The following STX18 variants were observed in gnomAD, a reference collection of about 807,000 sequenced individuals.
STX18 encodes syntaxin 18, also known as syntaxin-18.
Under a neutral mutation model 50.1 loss-of-function variants are expected in STX18, and 40 were observed. The ratio of observed to expected loss-of-function variants is 0.80; its 90% confidence interval spans 0.62 to 1.04. The LOEUF (loss-of-function observed/expected upper bound fraction) is 1.04. Ranked by LOEUF, STX18 falls within the 50% of genes least tolerant of loss-of-function variation. The pLI is 0.00. For missense variants in STX18, 410 were observed against 415.8 expected, an observed-to-expected ratio of 0.99 and a Z score of 0.12; for synonymous variants, 158 against 151.8, an observed-to-expected ratio of 1.04 and a Z score of -0.30.
In STX18 at chr4:4,525,169, T is replaced by C. The variant is rs1229436750; in HGVS notation, c.168+16628A>G. 2.6e-5 allele frequency among the ~76,000 whole-genome samples: 4 copies of C among 152,128 alleles called. No homozygotes were observed. The East Asian group carries it at 5.8e-4, about 22-fold the overall frequency. ...CAATGTTTCTTTTTGAAAAGGCCTT[T>C]ATGAGAAAAAAGAAAAGACTTTGGG... On this transcript the variant is annotated intron_variant, in intron 1 of 10. Coordinates refer to ENST00000306200, the MANE Select transcript of STX18 (RefSeq NM_016930.4).
chr4:4,541,978 C>G lies in STX18; in HGVS notation c.-14G>C, dbSNP rs546552868. Reference sequence around the variant, plus strand: ...GTCCACCGCCATAGCGACCCGCACCCTCAGCCCCACACTAGGCCCGCCCAC... The same window carrying G: ...GTCCACCGCCATAGCGACCCGCACCGTCAGCCCCACACTAGGCCCGCCCAC... On this transcript the variant is annotated 5_prime_UTR_variant, in exon 1 of 11. Coordinates refer to ENST00000306200, the MANE Select transcript of STX18 (RefSeq NM_016930.4). The G allele has an allele frequency of 2.5e-6, 4 of 1,593,166 alleles. No individual in the cohort carries two copies. Among genetic ancestry groups the G allele is most frequent in the Non-Finnish European group, 3.4e-6 (4 of 1,171,238 alleles).
chr4:4,540,390 A>G (rs1731530609), intron 1 of STX18, among the ~76,000 whole-genome samples: 2 of 152,218 alleles, frequency 1.3e-5, no homozygotes, highest in South Asian at 4.1e-4. Flanking sequence ...CCCACATTCC[A>G]GTCTCACTCA....
chr4:4,428,372 G>C (rs73086204), intron 7 of STX18, among the ~76,000 whole-genome samples: 8,772 of 152,274 alleles, frequency 0.058, 820 homozygotes, highest in African/African-American at 0.2. Context: ...CTTCTAAGCA[G>C]TAAGCTGTTT....
At chr4:4,433,534 TAAAAAAAAAAA>T (rs10676475) in intron 7 of STX18, among the ~76,000 whole-genome samples, 1 of 111,074 alleles carries the variant, frequency 9.0e-6, no homozygotes, top group African/African-American at 3.2e-5. Context: ...AAAAATAAAT[TAAAAAAAAAAA>T]AAAAAAAAGA....
chr4:4,460,704 T>C (rs1353853834), intron 2 of STX18, among the ~76,000 whole-genome samples: 1 of 152,198 alleles, frequency 6.6e-6, no homozygotes, highest in Admixed American at 6.5e-5. Flanking sequence ...AAGAGTGACA[T>C]GGAATTAGTT....
chr4:4,447,645 ACTAT>A (rs774364136), intron 5 of STX18, among the ~76,000 whole-genome samples: 30 of 136,518 alleles, frequency 2.2e-4, no homozygotes, highest in Admixed American at 1.4e-3. Flanking sequence ...TGGGGCTCTG[ACTAT>A]CTTTCTTGTT....
chr4:4,461,007 G>C (rs1727347926), intron 2 of STX18, among the ~76,000 whole-genome samples: 1 of 152,168 alleles, frequency 6.6e-6, no homozygotes, highest in African/African-American at 2.4e-5. Flanking sequence ...AAATGAGTCA[G>C]AAAGGTACCA....
intron 2 of STX18, among the ~76,000 whole-genome samples, chr4:4,465,071 C>T (rs1727558167): frequency 6.6e-6 from 1 of 152,020 alleles, no homozygotes; most frequent in Admixed American, 6.6e-5. Context: ...GCATTTAGTG[C>T]TATAAATTTC....
At chr4:4,443,566 C>T (rs1371376209) in intron 5 of STX18, among the ~76,000 whole-genome samples, 1 of 152,138 alleles carries the variant, frequency 6.6e-6, no homozygotes, top group African/African-American at 2.4e-5. Flanking sequence ...CCAGTATTAC[C>T]CAGATTCAGA....
At chr4:4,517,562 C>T (rs1182549651) in intron 1 of STX18, among the ~76,000 whole-genome samples, 3 of 152,124 alleles carry the variant, frequency 2.0e-5, no homozygotes, top group African/African-American at 7.2e-5. Context: ...GAAAATCTAG[C>T]AATTTTACTA....
chr4:4,510,089 G>C (rs79908143), intron 1 of STX18, among the ~76,000 whole-genome samples: 8,611 of 152,198 alleles, frequency 0.057, 453 homozygotes, highest in East Asian at 0.22. Flanking sequence ...AGAATATTTA[G>C]AACTAGGGGG....
chr4:4,455,944 T>A (rs1475130683), intron 5 of STX18, among the ~76,000 whole-genome samples: 1 of 152,014 alleles, frequency 6.6e-6, no homozygotes, highest in Non-Finnish European at 1.5e-5. Flanking sequence ...TCTTAGTGAA[T>A]CCTAGAACCA....
chr4:4,461,434 A>G (rs540646516), intron 2 of STX18, among the ~76,000 whole-genome samples: 2 of 152,326 alleles, frequency 1.3e-5, no homozygotes, highest in African/African-American at 2.4e-5. Flanking sequence ...GTAAAATGTC[A>G]TTATTAAAAA....
In STX18 at chr4:4,541,973, G is replaced by A. The variant is rs748591147; in HGVS notation, c.-9C>T. The A allele has an allele frequency of 6.3e-7, 1 of 1,595,342 alleles. No individual in the cohort carries two copies. Among genetic ancestry groups the A allele is most frequent in the South Asian group, 1.1e-5 (1 of 88,468 alleles). ...GTGATGTCCACCGCCATAGCGACCC[G>A]CACCCTCAGCCCCACACTAGGCCCG... On this transcript the variant is annotated 5_prime_UTR_variant, in exon 1 of 11. Coordinates refer to ENST00000306200, the MANE Select transcript of STX18 (RefSeq NM_016930.4).
At chr4:4,484,600 C>T (rs754475029) in intron 1 of STX18, among the ~76,000 whole-genome samples, 9 of 152,188 alleles carry the variant, frequency 5.9e-5, no homozygotes, top group Non-Finnish European at 8.8e-5. Flanking sequence ...GGAGACCCCT[C>T]CCTGTAGACA....
At chr4:4,469,533 C>G (rs1211289429) in intron 2 of STX18, among the ~76,000 whole-genome samples, 1 of 152,054 alleles carries the variant, frequency 6.6e-6, no homozygotes, top group African/African-American at 2.4e-5. Flanking sequence ...TACAGCAGTA[C>G]CTGAGAAGCG....
chr4:4,483,582 C>T (rs982248438), intron 1 of STX18, among the ~76,000 whole-genome samples: 13 of 152,156 alleles, frequency 8.5e-5, no homozygotes, highest in Non-Finnish European at 1.3e-4. Context: ...TGTCCACTCC[C>T]GGTTTACCTG....
At chr4:4,432,217 G>GA (rs1725553404) in intron 7 of STX18, among the ~76,000 whole-genome samples, 1 of 152,194 alleles carries the variant, frequency 6.6e-6, no homozygotes, top group South Asian at 2.1e-4. Flanking sequence ...ACCATCACTG[G>GA]AATCAGTTTC....
chr4:4,505,145 G>T (rs976805395), intron 1 of STX18, among the ~76,000 whole-genome samples: 1 of 152,100 alleles, frequency 6.6e-6, no homozygotes, highest in African/African-American at 2.4e-5. Flanking sequence ...GCCTGTTCTG[G>T]ACATTTCATA....
Sources: allele counts gnomAD v4.1 joint callset (sites outside exome capture counted in the v4.1 genomes callset), GRCh38; gene constraint gnomAD v4.1.1; transcripts MANE v1.5; gene names NCBI Gene and HGNC (gene_info 2026-07-23, HGNC 2026-07-21).